TRAF3IP1: variants seen among roughly 807,000 people sequenced by gnomAD.
The protein encoded by TRAF3IP1 is TRAF3-interacting protein 1.
A neutral mutation model predicts 89.9 loss-of-function variants in TRAF3IP1; 53 were observed. The observed-to-expected ratio is 0.59, with a 90% CI of 0.47 to 0.74. The LOEUF (loss-of-function observed/expected upper bound fraction) is 0.74. TRAF3IP1 is among the 30% of genes least tolerant of loss of function. TRAF3IP1 has a pLI of 0.00. For synonymous variants in TRAF3IP1, 311 were observed against 322.1 expected (o/e 0.97, Z 0.37); for missense variants, 806 against 866.1 (o/e 0.93, Z 0.87).
At chr2:238,366,185 TCG>T (rs1233368487) in intron 15 of TRAF3IP1, among the ~76,000 whole-genome samples, 3 of 151,356 alleles carry the variant, frequency 2.0e-5, no homozygotes, top group Non-Finnish European at 4.4e-5. Flanking sequence ...TGAGCAGAGA[TCG>T]CGCGCGCCAC....
In TRAF3IP1 at chr2:238,400,098, T is replaced by C. The variant is rs1003482409; in HGVS notation, c.*1179T>C. ...TGCCTGAAAAGGTTTTGTTTCTTTC[T>C]TTTTTTTTTTTTTTTGAGATGGAGT... is the stretch of plus-strand genomic sequence containing the variant. On this transcript the variant is annotated 3_prime_UTR_variant, in exon 17 of 17. Coordinates refer to ENST00000373327, the MANE Select transcript of TRAF3IP1 (RefSeq NM_015650.4). The C allele has an allele frequency of 1.5e-5, 2 of 133,388 alleles. No homozygotes were observed. The highest frequency in any genetic ancestry group is 4.6e-4 in the South Asian group (2 of 4,390). 8.3% of individuals were successfully genotyped at this position (133,388 alleles called of 1,614,324 possible).
chr2:238,365,295 G>A (rs1299580020), intron 15 of TRAF3IP1, among the ~76,000 whole-genome samples: 1 of 151,962 alleles, frequency 6.6e-6, no homozygotes, highest in Non-Finnish European at 1.5e-5. Flanking sequence ...TTTTAGTTTG[G>A]GTATTTTTGG....
chr2:238,342,311 A>G (rs893097891), intron 8 of TRAF3IP1, among the ~76,000 whole-genome samples: 3 of 152,050 alleles, frequency 2.0e-5, no homozygotes, highest in African/African-American at 7.2e-5. Flanking sequence ...TTATAAGTGC[A>G]TTATTTATTT....
intron 12 of TRAF3IP1, among the ~76,000 whole-genome samples, chr2:238,352,029 C>T (rs1699195347): frequency 6.6e-6 from 1 of 151,706 alleles, no homozygotes; most frequent in South Asian, 2.1e-4. Context: ...CAGGAGGGGC[C>T]ATTAAGGAGC....
At chr2:238,356,166 A>T in intron 15 of TRAF3IP1, 86 bp downstream of exon 15, 4 of 1,067,956 alleles carry the variant, frequency 3.7e-6, no homozygotes, top group Middle Eastern at 2.0e-4. Flanking sequence ...GCATCTTTCA[A>T]TATTACCATT....
rs1050419605 is a variant in TRAF3IP1 at position 238,345,330 on chromosome 2, G to A, written c.1261+732G>A. ...TGCAGATGAGGCTCGAAGATCAACC[G>A]AAATCGTTTGATGGGGTGGCAGTCT... On this transcript the variant is annotated intron_variant, in intron 9 of 16. Transcript: ENST00000373327. The surrounding 1 kb of genome is among the most constrained non-coding windows in gnomAD (Gnocchi z 4.7). Among the ~76,000 whole-genome samples, 6 of 152,252 alleles carry A rather than the reference G, an allele frequency of 3.9e-5. No homozygotes were observed. Among genetic ancestry groups the A allele is most frequent in the African/African-American group, 1.4e-4 (6 of 41,472 alleles).
intron 8 of TRAF3IP1, among the ~76,000 whole-genome samples, chr2:238,341,449 G>GT (rs1190794674): frequency 4.6e-5 from 7 of 151,480 alleles, no homozygotes; most frequent in African/African-American, 1.7e-4. Flanking sequence ...GAAAAGTATT[G>GT]TCTAACTGAA....
chr2:238,344,533 C>T lies in TRAF3IP1; in HGVS notation c.1196C>T (p.Ser399Leu), dbSNP rs781304219. The T allele has an allele frequency of 1.2e-6, 2 of 1,614,062 alleles. No individual in the cohort carries two copies. The highest frequency in any genetic ancestry group is 3.3e-5 in the Admixed American group (2 of 60,004). The change falls in exon 9 of 17, where the codon TCA becomes TTA. Residue 399 changes from serine to leucine, a missense_variant. Ser to Leu is a moderately radical substitution (Grantham distance 145). Transcript: ENST00000373327. ...GCTAATATTAACTCAACTAGTATTTCAGATGATAATTCAGCTAGTCTGCGG... is the reference window on the plus strand; with the variant it reads ...GCTAATATTAACTCAACTAGTATTTTAGATGATAATTCAGCTAGTCTGCGG... The part of the protein sequence containing the change: ...KEANINSTSI[S>L]DDNSASLRCE...
At chr2:238,378,207 T>C (rs1700400921) in intron 15 of TRAF3IP1, among the ~76,000 whole-genome samples, 1 of 152,232 alleles carries the variant, frequency 6.6e-6, no homozygotes, top group Non-Finnish European at 1.5e-5. Context: ...ATTTTCTTCC[T>C]TCTCTACTAT....
At chr2:238,364,825 C>T (rs537095803) in intron 15 of TRAF3IP1, among the ~76,000 whole-genome samples, 4 of 152,316 alleles carry the variant, frequency 2.6e-5, no homozygotes, top group South Asian at 2.1e-4. Flanking sequence ...GACTGCTAGA[C>T]GTCACGCCCA....
intron 15 of TRAF3IP1, among the ~76,000 whole-genome samples, chr2:238,390,832 G>A (rs903647422): frequency 4.6e-5 from 7 of 152,052 alleles, no homozygotes; most frequent in Non-Finnish European, 1.0e-4. Flanking sequence ...GTGAGGCTGG[G>A]TTGTACCAGC....
At position 238,325,783 on chromosome 2, in the gene TRAF3IP1, T is replaced by G. The variant is rs1445388177; in HGVS notation, c.193-26T>G. The stretch of plus-strand genomic sequence containing the variant: ...CACACTCTTCAAAGTATTGTAATAT[T>G]TGTATTTTCAATGGAAATGTTTCAG... On this transcript the variant is annotated intron_variant, in intron 2 of 16. Transcript: ENST00000373327. 1.9e-6 allele frequency: 3 copies of G among 1,600,142 alleles called. No homozygotes were observed. The South Asian group carries it at 3.3e-5, about 18-fold the overall frequency.
chr2:238,377,060 T>C (rs971366680), intron 15 of TRAF3IP1, among the ~76,000 whole-genome samples: 1 of 152,038 alleles, frequency 6.6e-6, no homozygotes, highest in African/African-American at 2.4e-5. Context: ...TAGCCCAAGC[T>C]CCGCACCATT....
In TRAF3IP1 at chr2:238,328,574, T is replaced by A. The variant is rs1049646227; in HGVS notation, c.355-112T>A. ...AAATATTTTATCCTTTGAATTTCAT[T>A]GTAGACAGAGAATCTGTCTCATGAG... On this transcript the variant is annotated intron_variant, in intron 3 of 16. Coordinates refer to ENST00000373327, the MANE Select transcript of TRAF3IP1 (RefSeq NM_015650.4). 1.3e-5 allele frequency: 16 copies of A among 1,264,880 alleles called. 1 individual carries two copies. The African/African-American group carries it at 2.4e-4, about 19-fold the overall frequency. 78.4% of individuals were successfully genotyped at this position (1,264,880 alleles called of 1,614,324 possible).
chr2:238,394,537 A>G (rs781210389), intron 15 of TRAF3IP1, among the ~76,000 whole-genome samples: 7 of 152,338 alleles, frequency 4.6e-5, no homozygotes, highest in African/African-American at 1.7e-4. Context: ...ATAGTCTTCT[A>G]TTGAACAATT....
At chr2:238,396,829 C>T (rs914141411) in intron 15 of TRAF3IP1, among the ~76,000 whole-genome samples, 13 of 152,186 alleles carry the variant, frequency 8.5e-5, no homozygotes, top group Admixed American at 5.9e-4. Context: ...CCTCCCTGAG[C>T]GGCCAGCACA....
At chr2:238,382,481 G>C (rs1008525581) in intron 15 of TRAF3IP1, among the ~76,000 whole-genome samples, 6 of 152,222 alleles carry the variant, frequency 3.9e-5, no homozygotes, top group African/African-American at 1.4e-4. Flanking sequence ...TGCAACAGAA[G>C]AACTTTATAT....
chr2:238,340,595 C>G (rs1214907682), intron 8 of TRAF3IP1, among the ~76,000 whole-genome samples: 1 of 152,076 alleles, frequency 6.6e-6, no homozygotes, highest in African/African-American at 2.4e-5. Context: ...ATGCTTTGTT[C>G]GCTTTACAAT....
intron 15 of TRAF3IP1, among the ~76,000 whole-genome samples, chr2:238,393,490 G>A (rs117828188): frequency 6.6e-6 from 1 of 151,998 alleles, no homozygotes; most frequent in Non-Finnish European, 1.5e-5. Flanking sequence ...TTACCTTTGC[G>A]GCTTCTTCCC....
Sources: gnomAD v4.1 joint callset for allele counts (sites outside exome capture counted in the v4.1 genomes callset) on GRCh38, gnomAD v4.1.1 for gene constraint, Gnocchi (gnomAD v3.1) non-coding constraint, MANE v1.5 for transcripts, NCBI Gene and HGNC (gene_info 2026-07-23, HGNC 2026-07-21) for gene names.